Variants in LRRC59 observed in about 807,000 individuals in gnomAD.
LRRC59 encodes leucine-rich repeat-containing protein 59.
A neutral mutation model predicts 33.5 loss-of-function variants in LRRC59; 18 were observed. The ratio of observed to expected loss-of-function variants is 0.54; its 90% CI spans 0.37 to 0.80. The LOEUF is 0.80. LRRC59 is among the 30% of genes least tolerant of loss of function. LRRC59 has a pLI of 0.00. For synonymous variants in LRRC59, 138 were observed against 160.0 expected (o/e 0.86, Z 1.04); for missense variants, 330 against 391.9 (o/e 0.84, Z 1.33).
Position 50,390,889 on chromosome 17 carries a change from T to C in LRRC59, c.429+1509A>G, listed in dbSNP as rs374311373. On this transcript the variant is annotated intron_variant, in intron 4 of 6. Coordinates refer to ENST00000225972, the MANE Select transcript of LRRC59 (RefSeq NM_018509.4). The stretch of plus-strand genomic sequence containing the variant: ...CACATCCACTATGCTGCCTGGAGCT[T>C]TGTCTGAAAGACATATGCAAATACA... Among the ~76,000 whole-genome samples the C allele has an allele frequency of 7.2e-4, 109 of 152,370 alleles. 1 individual carries two copies. In the South Asian group the frequency reaches 0.021, roughly 30 times the overall value.
chr17:50,390,487 A>C (rs1396928782), intron 4 of LRRC59, among the ~76,000 whole-genome samples: 1 of 149,484 alleles, frequency 6.7e-6, no homozygotes, highest in Non-Finnish European at 1.5e-5. Context: ...GCAAGACCCC[A>C]TGTCAAAAAA....
intron 2 of LRRC59, among the ~76,000 whole-genome samples, chr17:50,393,778 T>C (rs937370284): frequency 1.3e-5 from 2 of 152,152 alleles, no homozygotes; most frequent in African/African-American, 4.8e-5. Flanking sequence ...CAAGCTCAGA[T>C]CGAAAAGTGC....
intron 2 of LRRC59, 103 bp from the exon 3 acceptor site, chr17:50,393,000 A>G: frequency 8.5e-7 from 1 of 1,171,292 alleles, no homozygotes. Context: ...TTAAAACATT[A>G]CGAGATTTTT....
intron 5 of LRRC59, among the ~76,000 whole-genome samples, 155 bp from the exon 6 acceptor site, chr17:50,385,446 T>C (rs2143355495): frequency 6.6e-6 from 1 of 152,336 alleles, no homozygotes; most frequent in South Asian, 2.1e-4. Flanking sequence ...CTTCTGCTCC[T>C]GGAAGTAGCC....
chr17:50,394,321 T>C (rs1914220029), intron 2 of LRRC59, among the ~76,000 whole-genome samples: 1 of 152,102 alleles, frequency 6.6e-6, no homozygotes, highest in Non-Finnish European at 1.5e-5. Context: ...GCTGAGGGGC[T>C]GAATGAATCC....
chr17:50,393,266 A>G (rs7224358), intron 2 of LRRC59, among the ~76,000 whole-genome samples: 9,670 of 152,210 alleles, frequency 0.064, 813 homozygotes, highest in African/African-American at 0.19. Context: ...TTACCAAGAT[A>G]TGTATGGAAA....
chr17:50,382,564 C>T lies in LRRC59; in HGVS notation c.*424G>A, dbSNP rs1012586206. ...GATTTACTGAGCGTGGTGTTCTAGT[C>T]CCCCCCAGTTCCTCCTGATCTACCC... On this transcript the variant is annotated 3_prime_UTR_variant, in exon 7 of 7. Coordinates refer to ENST00000225972, the MANE Select transcript of LRRC59 (RefSeq NM_018509.4). 8.9e-5 allele frequency: 16 copies of T among 180,434 alleles called. No individual in the cohort carries two copies. The highest frequency in any genetic ancestry group is 3.6e-4 in the African/African-American group (15 of 42,114). 11.2% of individuals were successfully genotyped at this position (180,434 alleles called of 1,614,324 possible). A position where few individuals can be genotyped will look rare whatever the true frequency, so the allele number is the denominator to read the frequency against.
intron 5 of LRRC59, chr17:50,386,189 G>A (rs983289913): frequency 1.8e-4 from 27 of 151,882 alleles, no homozygotes; most frequent in African/African-American, 6.5e-4. Context: ...AAGGAAGAAA[G>A]AAATCTCTAA....
intron 2 of LRRC59, among the ~76,000 whole-genome samples, chr17:50,394,004 TC>T (rs1386274202): frequency 6.6e-6 from 1 of 152,220 alleles, no homozygotes; most frequent in Admixed American, 6.5e-5. Flanking sequence ...CTTCTTTTAT[TC>T]AACACAAAAT....
intron 5 of LRRC59, among the ~76,000 whole-genome samples, chr17:50,387,501 T>C (rs1366493670): frequency 1.3e-5 from 2 of 152,116 alleles, no homozygotes; most frequent in Non-Finnish European, 2.9e-5. Flanking sequence ...ATTATTTATG[T>C]TGTAAAAAGA....
At chr17:50,392,656 G>A (rs1253859931) in intron 3 of LRRC59, 83 bp downstream of exon 3, 1 of 1,567,846 alleles carries the variant, frequency 6.4e-7, no homozygotes, top group African/African-American at 1.4e-5. Flanking sequence ...GGGTATTTCT[G>A]TCAGCCTTTC....
rs547435921 is a variant in LRRC59, at chr17:50,392,517, G to A, written c.325-15C>T. The A allele has an allele frequency of 2.1e-5, 34 of 1,595,384 alleles. No homozygotes were observed. Among genetic ancestry groups the A allele is most frequent in the African/African-American group, 8.0e-5 (6 of 74,652 alleles). Reference sequence around the variant, plus strand: ...CACTTCAGGTTCTAAAGAGATGGGCGATGGGCAAAGAGGCTCATTAAGCCC... The same window carrying A: ...CACTTCAGGTTCTAAAGAGATGGGCAATGGGCAAAGAGGCTCATTAAGCCC... On this transcript the variant is annotated splice_polypyrimidine_tract_variant and intron_variant, in intron 3 of 6. Coordinates refer to ENST00000225972, the MANE Select transcript of LRRC59 (RefSeq NM_018509.4).
At position 50,382,963 on chromosome 17, in the gene LRRC59, G is replaced by C. The variant is rs1913903565; in HGVS notation, c.*25C>G. The C allele has an allele frequency of 4.4e-6, 7 of 1,604,846 alleles. No individual in the cohort carries two copies. The highest frequency in any genetic ancestry group is 5.1e-6 in the Non-Finnish European group (6 of 1,174,318). ...ATAGGAATCCAAACTCCAAGGCTGG[G>C]AGGCAGCAGGTGCTGGGGACAAGCT... On this transcript the variant is annotated 3_prime_UTR_variant, in exon 7 of 7. Coordinates refer to ENST00000225972, the MANE Select transcript of LRRC59 (RefSeq NM_018509.4).
chr17:50,396,028 G>A (rs1914265317), intron 1 of LRRC59: 1 of 152,232 alleles, frequency 6.6e-6, no homozygotes, highest in Non-Finnish European at 1.5e-5. Context: ...TATGGTTTCA[G>A]AGAGCAGTCC....
chr17:50,392,562 C>CT, intron 3 of LRRC59, 60 bp from the exon 4 acceptor site: 1 of 1,502,610 alleles, frequency 6.7e-7, no homozygotes, highest in Non-Finnish European at 9.2e-7. Flanking sequence ...TACATAGTCC[C>CT]TCAGGGTGAA....
At position 50,382,924 on chromosome 17, in the gene LRRC59, C is replaced by T; in HGVS notation, c.*64G>A. 6.4e-7 allele frequency: 1 copy of T among 1,574,332 alleles called. No individual in the cohort carries two copies. ...GATGCTAAAAAGAGGTTGTGTCCAGCAGAACCCAATTCCATAGGAATCCAA... is the reference window on the plus strand; with the variant it reads ...GATGCTAAAAAGAGGTTGTGTCCAGTAGAACCCAATTCCATAGGAATCCAA... On this transcript the variant is annotated 3_prime_UTR_variant, in exon 7 of 7. Transcript: ENST00000225972.
intron 2 of LRRC59, among the ~76,000 whole-genome samples, 166 bp downstream of exon 2, chr17:50,394,763 A>C (rs1341090164): frequency 6.6e-6 from 1 of 152,112 alleles, no homozygotes; most frequent in East Asian, 1.9e-4. Flanking sequence ...CAACCACTCC[A>C]TTCCACTGTG....
rs776988314 is a variant in LRRC59, at chr17:50,392,934, C to T, written c.166-37G>A. ...AGAGAGAACCTAAGCTAGGCTTGTC[C>T]AACACACGAGCCACGACAGCTTTAA... On this transcript the variant is annotated intron_variant, in intron 2 of 6. Coordinates refer to ENST00000225972, the MANE Select transcript of LRRC59 (RefSeq NM_018509.4). 14 of 1,591,620 alleles carry T rather than the reference C, an allele frequency of 8.8e-6. No homozygotes were observed. In the South Asian group the frequency reaches 1.3e-4, roughly 15 times the overall value.
chr17:50,392,584 AG>A (rs1194098525), intron 3 of LRRC59, 82 bp from the exon 4 acceptor site: 92 of 1,453,830 alleles, frequency 6.3e-5, no homozygotes, highest in Non-Finnish European at 7.7e-5. Flanking sequence ...CAAAATGAGC[AG>A]GAAGAATGCC....
Sources: gnomAD v4.1 joint callset for allele counts (sites outside exome capture counted in the v4.1 genomes callset) on GRCh38, gnomAD v4.1.1 for gene constraint, MANE v1.5 for transcripts, NCBI Gene and HGNC (gene_info 2026-07-23, HGNC 2026-07-21) for gene names.